The following CHCHD6 variants were observed in gnomAD, a reference collection of about 807,000 sequenced individuals.
CHCHD6 encodes the protein coiled-coil-helix-coiled-coil-helix domain containing 6.
Under a neutral mutation model 32.3 loss-of-function variants are expected in CHCHD6, and 28 were observed. The observed-to-expected ratio is 0.87, with a 90% CI of 0.64 to 1.19. CHCHD6 has a LOEUF of 1.19. Among genes scored for constraint, CHCHD6 ranks in the 50% most tolerant of loss-of-function variants. CHCHD6 has a pLI of 0.00. For synonymous variants in CHCHD6, 122 were observed against 117.5 expected, an observed-to-expected ratio of 1.04 and a Z score of -0.25; for missense variants, 333 against 307.0, an observed-to-expected ratio of 1.08 and a Z score of -0.63.
At chr3:126,816,595 G>A (rs1322093720) in intron 4 of CHCHD6, among the ~76,000 whole-genome samples, 1 of 152,150 alleles carries the variant, frequency 6.6e-6, no homozygotes, top group Non-Finnish European at 1.5e-5. Flanking sequence ...TAGGGACGAG[G>A]GACAGAGAAG....
At chr3:126,843,031 A>G (rs916667010) in intron 4 of CHCHD6, among the ~76,000 whole-genome samples, 27 of 152,128 alleles carry the variant, frequency 1.8e-4, no homozygotes, top group African/African-American at 6.5e-4. Context: ...TATTACACCA[A>G]TAAGCATGAT....
At chr3:126,733,608 G>C (rs1182821400) in intron 4 of CHCHD6, among the ~76,000 whole-genome samples, 1 of 152,210 alleles carries the variant, frequency 6.6e-6, no homozygotes, top group African/African-American at 2.4e-5. Context: ...ATATATGACA[G>C]GGAGGGCATC....
intron 4 of CHCHD6, among the ~76,000 whole-genome samples, chr3:126,801,237 C>T (rs1209549219): frequency 9.2e-5 from 14 of 152,276 alleles, no homozygotes; most frequent in South Asian, 6.2e-4. Context: ...GCGCACCGTG[C>T]GCAAGCCGAA....
At chr3:126,918,420 G>A (rs995300596) in intron 6 of CHCHD6, among the ~76,000 whole-genome samples, 1 of 152,206 alleles carries the variant, frequency 6.6e-6, no homozygotes, top group South Asian at 2.1e-4. Context: ...GGGACACAGT[G>A]ATGAACAAGA....
chr3:126,823,440 T>C (rs1288569206), intron 4 of CHCHD6, among the ~76,000 whole-genome samples: 4 of 152,216 alleles, frequency 2.6e-5, no homozygotes, highest in Non-Finnish European at 5.9e-5. Flanking sequence ...TCTGTAGTGA[T>C]CTTAGATATT....
intron 2 of CHCHD6, among the ~76,000 whole-genome samples, chr3:126,727,492 C>T (rs567505313): frequency 5.9e-4 from 90 of 152,328 alleles, no homozygotes; most frequent in South Asian, 1.0e-3. Context: ...TCCTCAGAGG[C>T]GGCATAGCCA....
intron 5 of CHCHD6, among the ~76,000 whole-genome samples, chr3:126,862,363 T>TCCC (rs1941946485): frequency 9.1e-6 from 1 of 110,170 alleles, no homozygotes; most frequent in Non-Finnish European, 1.9e-5. Context: ...TATCACCACC[T>TCCC]CCTCCACCAC....
intron 4 of CHCHD6, among the ~76,000 whole-genome samples, chr3:126,795,261 A>G (rs182478038): frequency 1.3e-5 from 2 of 152,344 alleles, no homozygotes; most frequent in Admixed American, 6.5e-5. Context: ...TCCCTAAAAC[A>G]GGGTATTTAT....
intron 5 of CHCHD6, among the ~76,000 whole-genome samples, chr3:126,877,556 A>G (rs1364810916): frequency 1.3e-5 from 2 of 149,794 alleles, no homozygotes; most frequent in African/African-American, 4.9e-5. Context: ...CTCCATCTCA[A>G]AAAAAAAAAA....
intron 4 of CHCHD6, among the ~76,000 whole-genome samples, chr3:126,809,777 T>C (rs537799973): frequency 5.3e-4 from 81 of 152,366 alleles, no homozygotes; most frequent in African/African-American, 1.9e-3. Flanking sequence ...CCATAAATTT[T>C]GAAAAGCATT....
intron 6 of CHCHD6, among the ~76,000 whole-genome samples, chr3:126,930,551 G>A (rs2078389250): frequency 6.6e-6 from 1 of 152,184 alleles, no homozygotes; most frequent in African/African-American, 2.4e-5. Flanking sequence ...CTGTCTTCTG[G>A]GAGGTGGTCA....
chr3:126,858,877 TG>T (rs1941756814), intron 5 of CHCHD6, among the ~76,000 whole-genome samples: 1 of 152,222 alleles, frequency 6.6e-6, no homozygotes, highest in Non-Finnish European at 1.5e-5. Context: ...GAATGAGGGC[TG>T]GGTGTGGAGC....
At chr3:126,827,741 T>C (rs1373963994) in intron 4 of CHCHD6, among the ~76,000 whole-genome samples, 1 of 152,158 alleles carries the variant, frequency 6.6e-6, no homozygotes, top group East Asian at 1.9e-4. Flanking sequence ...TATAGATGAA[T>C]GGTTGTGCTG....
intron 6 of CHCHD6, among the ~76,000 whole-genome samples, chr3:126,926,079 C>T (rs1489555489): frequency 2.0e-5 from 3 of 152,220 alleles, no homozygotes; most frequent in South Asian, 2.1e-4. Context: ...TTAGGACTCT[C>T]GTTCCTCTAG....
rs141379333 is a variant in CHCHD6, at chr3:126,861,230, A to G, written c.495+8500A>G. ...ACTCTGCCTCCTTGCATCCCTGTCC[A>G]CAGACCTACAGTTTTTCCACTATAG... On this transcript the variant is annotated intron_variant, in intron 5 of 7. Coordinates refer to ENST00000290913, the MANE Select transcript of CHCHD6 (RefSeq NM_032343.3). 2.0e-5 allele frequency among the ~76,000 whole-genome samples: 3 copies of G among 152,134 alleles called. No homozygotes were observed. The East Asian group carries it at 5.8e-4, about 29-fold the overall frequency.
chr3:126,785,298 G>A (rs4679293), intron 4 of CHCHD6, among the ~76,000 whole-genome samples: 30,517 of 152,090 alleles, frequency 0.2, 3,456 homozygotes, highest in African/African-American at 0.3. Flanking sequence ...CATATCTCCC[G>A]TGGGCAGCAA....
chr3:126,824,505 G>A (rs1940295096), intron 4 of CHCHD6, among the ~76,000 whole-genome samples: 1 of 120,892 alleles, frequency 8.3e-6, no homozygotes, highest in South Asian at 3.0e-4. Flanking sequence ...AGGTGGCAGT[G>A]AGCCGAGATC....
At chr3:126,785,542 AT>A (rs1392908500) in intron 4 of CHCHD6, among the ~76,000 whole-genome samples, 1 of 152,140 alleles carries the variant, frequency 6.6e-6, no homozygotes, top group East Asian at 1.9e-4. Context: ...AATGTTGTAC[AT>A]TTCCCTCTGA....
intron 6 of CHCHD6, among the ~76,000 whole-genome samples, chr3:126,944,059 G>A (rs1215188243): frequency 1.3e-5 from 2 of 152,364 alleles, no homozygotes; most frequent in East Asian, 3.9e-4. Context: ...GCCAAACAGT[G>A]CATGAAAGGA....
Sources: allele counts gnomAD v4.1 joint callset (sites outside exome capture counted in the v4.1 genomes callset), GRCh38; gene constraint gnomAD v4.1.1; transcripts MANE v1.5; gene names NCBI Gene and HGNC (gene_info 2026-07-23, HGNC 2026-07-21).